The following AGTPBP1 variants were observed in gnomAD, a reference collection of about 807,000 sequenced individuals.
AGTPBP1 encodes the protein ATP/GTP binding carboxypeptidase 1, also known as cytosolic carboxypeptidase 1.
A neutral mutation model predicts 143.9 loss-of-function variants in AGTPBP1; 70 were observed. The observed-to-expected ratio is 0.49, with a 90% CI of 0.40 to 0.59. AGTPBP1 has a LOEUF of 0.59. AGTPBP1 is among the 20% of genes least tolerant of loss of function. The pLI, the probability that AGTPBP1 is intolerant of heterozygous loss-of-function variation, is 0.00. For missense variants in AGTPBP1, 1,229 were observed against 1,464.5 expected, an observed-to-expected ratio of 0.84 and a Z score of 2.62; for synonymous variants, 463 against 500.2, an observed-to-expected ratio of 0.93 and a Z score of 0.99.
At chr9:85,776,660 C>G in the AGTPBP1 span, among the ~76,000 whole-genome samples, 1 of 152,220 alleles carries the variant, frequency 6.6e-6, no homozygotes, top group Admixed American at 6.5e-5. Context: ...TAACTCCCTT[C>G]TTAGCCTGCT....
intron 25 of AGTPBP1, among the ~76,000 whole-genome samples, chr9:85,568,276 A>C (rs1827235867): frequency 6.6e-6 from 1 of 152,212 alleles, no homozygotes. Context: ...ATTAGCACTT[A>C]TATTTGTATT....
chr9:85,559,908 G>T (rs190391125), intron 25 of AGTPBP1, among the ~76,000 whole-genome samples: 1 of 152,292 alleles, frequency 6.6e-6, no homozygotes, highest in Admixed American at 6.5e-5. Flanking sequence ...TCTCGACTAT[G>T]CCTGCAGTCC....
At chr9:85,561,667 C>T (rs948321405) in intron 25 of AGTPBP1, among the ~76,000 whole-genome samples, 6 of 151,944 alleles carry the variant, frequency 3.9e-5, no homozygotes, top group African/African-American at 9.7e-5. Context: ...GGGTGGAATG[C>T]GTGGTGAGAG....
At chr9:85,795,479 T>A in the AGTPBP1 span, among the ~76,000 whole-genome samples, 5 of 152,150 alleles carry the variant, frequency 3.3e-5, no homozygotes, top group Non-Finnish European at 7.3e-5. Flanking sequence ...GACAGACAAG[T>A]AAACAGGCAG....
chr9:85,740,282 T>C (rs1175305836), intron 1 of AGTPBP1, among the ~76,000 whole-genome samples: 8 of 152,200 alleles, frequency 5.3e-5, no homozygotes, highest in Non-Finnish European at 1.2e-4. Context: ...TGTAATTATG[T>C]GATTAATCAA....
chr9:85,776,308 T>C, the AGTPBP1 span, among the ~76,000 whole-genome samples: 2 of 152,334 alleles, frequency 1.3e-5, no homozygotes, highest in African/African-American at 4.8e-5. Flanking sequence ...ACCGTCCTTG[T>C]TTCTGCAGCT....
intron 17 of AGTPBP1, among the ~76,000 whole-genome samples, chr9:85,610,079 T>C (rs1830224910): frequency 6.6e-6 from 1 of 152,202 alleles, no homozygotes; most frequent in South Asian, 2.1e-4. Flanking sequence ...TTAACTAACG[T>C]GGGCAAAGCG....
chr9:85,575,154 A>T (rs953219863), intron 25 of AGTPBP1, among the ~76,000 whole-genome samples, 161 bp downstream of exon 25: 2 of 152,256 alleles, frequency 1.3e-5, no homozygotes, highest in Non-Finnish European at 2.9e-5. Flanking sequence ...ACATTAAAAG[A>T]ATCAGCAATA....
intron 25 of AGTPBP1, chr9:85,553,853 A>T (rs1413461134): frequency 2.0e-5 from 3 of 152,182 alleles, no homozygotes; most frequent in African/African-American, 7.2e-5. Flanking sequence ...TCTGACCGGA[A>T]TTTCTAGATG....
intron 17 of AGTPBP1, among the ~76,000 whole-genome samples, chr9:85,609,720 A>G (rs771664080): frequency 1.1e-4 from 17 of 152,198 alleles, no homozygotes; most frequent in Non-Finnish European, 1.9e-4. Flanking sequence ...AATGACAGGG[A>G]TATCTCAAAA....
At chr9:85,622,338 A>C (rs1000444402) in intron 14 of AGTPBP1, among the ~76,000 whole-genome samples, 1 of 152,218 alleles carries the variant, frequency 6.6e-6, no homozygotes, top group Non-Finnish European at 1.5e-5. Context: ...ATCTGAAACT[A>C]GTCTCCTGCA....
the AGTPBP1 span, among the ~76,000 whole-genome samples, chr9:85,759,579 C>A: frequency 5.3e-5 from 8 of 151,890 alleles, no homozygotes; most frequent in African/African-American, 1.9e-4. Flanking sequence ...CCAACGAGAA[C>A]AAAGACACAA....
chr9:85,564,594 C>T (rs563779876), intron 25 of AGTPBP1, among the ~76,000 whole-genome samples: 4 of 152,314 alleles, frequency 2.6e-5, no homozygotes, highest in South Asian at 4.1e-4. Context: ...GAAATACTTC[C>T]CATTGTGTTA....
the AGTPBP1 span, among the ~76,000 whole-genome samples, chr9:85,762,284 G>T: frequency 6.6e-6 from 1 of 152,080 alleles, no homozygotes; most frequent in Admixed American, 6.6e-5. Context: ...TATACCCAAA[G>T]GATTATAAAT....
intron 1 of AGTPBP1, among the ~76,000 whole-genome samples, chr9:85,716,147 C>G (rs1837691760): frequency 6.6e-6 from 1 of 152,210 alleles, no homozygotes; most frequent in South Asian, 2.1e-4. Flanking sequence ...TTATCAACAA[C>G]TAATGATCCC....
At chr9:85,641,665 T>C (rs973141154) in intron 13 of AGTPBP1, among the ~76,000 whole-genome samples, 7 of 152,050 alleles carry the variant, frequency 4.6e-5, no homozygotes, top group Admixed American at 2.0e-4. Context: ...ACCTGAATGA[T>C]TAGAACTATG....
At chr9:85,764,856 A>C in the AGTPBP1 span, 1 of 1,288,084 alleles carries the variant, frequency 7.8e-7, no homozygotes, top group South Asian at 1.2e-5. Flanking sequence ...AAAGAAAAGG[A>C]TCAGCTCCAG....
chr9:85,752,577 G>C, the AGTPBP1 span, among the ~76,000 whole-genome samples: 158 of 152,240 alleles, frequency 1.0e-3, no homozygotes, highest in African/African-American at 3.8e-3. Flanking sequence ...TTTTGCAGTT[G>C]TATTGTATTG....
At chr9:85,786,561 C>A in the AGTPBP1 span, 1 of 1,613,772 alleles carries the variant, frequency 6.2e-7, no homozygotes, top group Non-Finnish European at 8.5e-7. Context: ...TCTAGAAAAC[C>A]AAGGGACTTA....
Sources: gnomAD v4.1 joint callset for allele counts (sites outside exome capture counted in the v4.1 genomes callset) on GRCh38, gnomAD v4.1.1 for gene constraint, MANE v1.5 for transcripts, NCBI Gene and HGNC (gene_info 2026-07-23, HGNC 2026-07-21) for gene names.